Variants in HK1 observed in about 807,000 individuals in gnomAD.
HK1 encodes the protein hexokinase-1.
In HK1, 28 loss-of-function variants were observed where a neutral mutation model predicts 91.6. That is an observed-to-expected ratio of 0.31 (90% CI 0.23 to 0.42). The LOEUF (loss-of-function observed/expected upper bound fraction) is 0.42, where lower values mean the gene tolerates loss of function less well. Ranked by LOEUF, HK1 falls within the 10% of genes least tolerant of loss-of-function variation. HK1 has a pLI of 1.00. For missense variants in HK1, 770 were observed against 1,219.8 expected, an observed-to-expected ratio of 0.63 and a Z score of 5.49; for synonymous variants, 430 against 468.1, an observed-to-expected ratio of 0.92 and a Z score of 1.05.
At chr10:69,347,380 A>G (rs760944492) in intron 2 of HK1, among the ~76,000 whole-genome samples, 42 of 151,740 alleles carry the variant, frequency 2.8e-4, no homozygotes, top group Non-Finnish European at 5.3e-4. Flanking sequence ...GAGAATGAAG[A>G]TATCAGGGAA....
chr10:69,382,831 T>C, intron 10 of HK1, 40 bp downstream of exon 10: 1 of 1,593,414 alleles, frequency 6.3e-7, no homozygotes, highest in Non-Finnish European at 8.6e-7. Context: ...GTCCTGCTCC[T>C]GCCAGGAACT....
rs74491640 is a variant in HK1 at position 69,341,772 on chromosome 10, A to G, written c.64-2055A>G. The stretch of plus-strand genomic sequence containing the variant: ...TGCCTGGCCTCTTCTGGCAATTTCT[A>G]TTCTGGCTCTTGGTGGTTCCTGATT... On this transcript the variant is annotated intron_variant, in intron 1 of 17. Coordinates refer to ENST00000359426, the MANE Select transcript of HK1 (RefSeq NM_000188.3). 4.6e-4 allele frequency among the ~76,000 whole-genome samples: 70 copies of G among 151,452 alleles called. 1 individual carries two copies. In the East Asian group the frequency reaches 0.013, roughly 27 times the overall value.
chr10:69,327,514 A>G (rs1847453056), intron 1 of HK1, among the ~76,000 whole-genome samples: 1 of 152,220 alleles, frequency 6.6e-6, no homozygotes, highest in African/African-American at 2.4e-5. Flanking sequence ...GTGACAAACA[A>G]TGCCTTGGTG....
At chr10:69,300,606 C>A (rs949987083) in intron 4 of HK1, 22 of 712,272 alleles carry the variant, frequency 3.1e-5, no homozygotes, top group East Asian at 1.0e-4. Context: ...GATCATGCCA[C>A]ACTTGTTTAG....
chr10:69,283,888 T>C (rs997938174), intron 2 of HK1, among the ~76,000 whole-genome samples: 2 of 150,814 alleles, frequency 1.3e-5, no homozygotes, highest in Admixed American at 6.6e-5. Flanking sequence ...GATCCTGGGG[T>C]TTAAGCCCAC....
intron 2 of HK1, among the ~76,000 whole-genome samples, chr10:69,287,299 A>C (rs1589438192): frequency 1.3e-5 from 2 of 152,202 alleles, no homozygotes; most frequent in East Asian, 1.9e-4. Context: ...GCCTCTTATA[A>C]AACCATCAGA....
intron 9 of HK1, among the ~76,000 whole-genome samples, chr10:69,381,038 C>T (rs929392629): frequency 1.3e-5 from 2 of 152,184 alleles, no homozygotes; most frequent in Admixed American, 1.3e-4. Flanking sequence ...CATGGCAGCT[C>T]ACACTTGTAA....
chr10:69,356,223 C>T (rs980225378), intron 2 of HK1, among the ~76,000 whole-genome samples: 5 of 151,802 alleles, frequency 3.3e-5, no homozygotes, highest in African/African-American at 9.7e-5. Flanking sequence ...ATCACTTGAG[C>T]GAAGGCATTT....
chr10:69,276,188 A>G (rs996054937), intron 1 of HK1, among the ~76,000 whole-genome samples: 1 of 140,506 alleles, frequency 7.1e-6, no homozygotes, highest in Non-Finnish European at 1.5e-5. Context: ...TATTTATTAG[A>G]TTAAACTTGT....
At chr10:69,294,848 C>T (rs1312776552) in intron 3 of HK1, among the ~76,000 whole-genome samples, 3 of 150,724 alleles carry the variant, frequency 2.0e-5, no homozygotes, top group Admixed American at 1.3e-4. Flanking sequence ...GGCAACAGAG[C>T]GAGACTCCAT....
intron 5 of HK1, among the ~76,000 whole-genome samples, chr10:69,310,578 C>T (rs1846325702): frequency 6.6e-6 from 1 of 152,098 alleles, no homozygotes; most frequent in Non-Finnish European, 1.5e-5. Context: ...TCCAGTATAT[C>T]TTGGTGCTGT....
chr10:69,388,415 C>A (rs1839746907), intron 13 of HK1, among the ~76,000 whole-genome samples: 1 of 150,764 alleles, frequency 6.6e-6, no homozygotes, highest in African/African-American at 2.4e-5. Context: ...GTAGTACACT[C>A]CAGCCTGGGT....
At position 69,382,624 on chromosome 10, in the gene HK1, G is replaced by C. The variant is rs1391553871; in HGVS notation, c.1403G>C (p.Arg468Pro). Residue 468 changes from arginine to proline, a missense_variant, in exon 10 of 18, where the codon CGG (arginine) becomes CCG (proline). Transcript: ENST00000359426. ...GCCTACCGCTTGGCCGAGCAGCACC[G>C]GCAGATAGAGGAGACCCTGGCTCAT... The part of the protein sequence containing the change: ...AVAYRLAEQH[R>P]QIEETLAHFH... The C allele has an allele frequency of 6.2e-7, 1 of 1,614,184 alleles. No individual in the cohort carries two copies. The highest frequency in any genetic ancestry group is 1.3e-5 in the African/African-American group (1 of 75,062).
chr10:69,383,243 C>T (rs1312050200), intron 10 of HK1, among the ~76,000 whole-genome samples: 1 of 152,224 alleles, frequency 6.6e-6, no homozygotes, highest in Admixed American at 6.5e-5. Flanking sequence ...ATTAGGTTTT[C>T]CCAAAGCCAA....
chr10:69,294,915 A>G (rs1845481056), intron 3 of HK1, among the ~76,000 whole-genome samples: 1 of 151,480 alleles, frequency 6.6e-6, no homozygotes, highest in South Asian at 2.1e-4. Flanking sequence ...TGTAGTCCCA[A>G]CTACTTGGGA....
intron 13 of HK1, among the ~76,000 whole-genome samples, chr10:69,388,518 T>G (rs114361278): frequency 0.022 from 3,388 of 151,518 alleles, 148 homozygotes; most frequent in African/African-American, 0.078. Flanking sequence ...TCTTCTAGCT[T>G]GCTTTCCATG....
upstream of HK1, among the ~76,000 whole-genome samples, chr10:69,312,194 AAC>A (rs1186036824): frequency 1.3e-5 from 2 of 152,184 alleles, no homozygotes; most frequent in South Asian, 2.1e-4. Context: ...CCTAGAAGAA[AAC>A]ACAGTGATTA....
chr10:69,364,706 G>A, intron 3 of HK1, 77 bp from the exon 4 acceptor site: 2 of 1,541,636 alleles, frequency 1.3e-6, no homozygotes, highest in Non-Finnish European at 9.0e-7. Flanking sequence ...GTGTGTGTGG[G>A]AGGGAATGGT....
intron 1 of HK1, among the ~76,000 whole-genome samples, chr10:69,328,480 C>T (rs919626227): frequency 1.3e-5 from 2 of 152,172 alleles, no homozygotes; most frequent in East Asian, 3.8e-4. Context: ...TTGCCATGTA[C>T]TGTGCTAAAG....
Sources: allele counts gnomAD v4.1 joint callset (sites outside exome capture counted in the v4.1 genomes callset), GRCh38; gene constraint gnomAD v4.1.1; transcripts MANE v1.5; gene names NCBI Gene and HGNC (gene_info 2026-07-23, HGNC 2026-07-21).